The following DDX60 variants were observed in gnomAD, a reference collection of about 807,000 sequenced individuals.
DDX60 encodes the protein DExD/H-box helicase 60, also known as probable ATP-dependent RNA helicase DDX60.
DDX60 carries 165 observed loss-of-function variants against 212.8 expected under a neutral mutation model. The ratio of observed to expected loss-of-function variants is 0.78; its 90% CI spans 0.68 to 0.88. The LOEUF (loss-of-function observed/expected upper bound fraction) is 0.88, where lower values mean the gene tolerates loss of function less well. Among genes scored for constraint, DDX60 ranks in the 40% least tolerant of loss-of-function variants. The pLI, the probability that DDX60 is intolerant of heterozygous loss-of-function variation, is 0.00. For synonymous variants in DDX60, 703 were observed against 685.3 expected (o/e 1.03, Z -0.40); for missense variants, 1,905 against 2,003.9 (o/e 0.95, Z 0.94).
chr4:168,282,621 T>C (rs772305237), intron 13 of DDX60, among the ~76,000 whole-genome samples: 11 of 152,148 alleles, frequency 7.2e-5, no homozygotes, highest in East Asian at 1.9e-4. Flanking sequence ...AGAAACTTTT[T>C]TGTGAAAATT....
At chr4:168,226,489 A>G (rs1329772692) in intron 33 of DDX60, among the ~76,000 whole-genome samples, 4 of 152,032 alleles carry the variant, frequency 2.6e-5, no homozygotes, top group Admixed American at 2.6e-4. Context: ...AGCCCCCACC[A>G]GACACCTTGA....
At chr4:168,237,181 T>C in intron 32 of DDX60, 105 bp downstream of exon 32, 2 of 740,920 alleles carry the variant, frequency 2.7e-6, no homozygotes, top group East Asian at 3.4e-5. Context: ...TACATATTAA[T>C]TGTATTTTCT....
At chr4:168,239,375 A>AT (rs1733755324) in intron 30 of DDX60, among the ~76,000 whole-genome samples, 1 of 148,770 alleles carries the variant, frequency 6.7e-6, no homozygotes, top group Non-Finnish European at 1.5e-5. Context: ...TGATAGAAGG[A>AT]AGATAGATAG....
chr4:168,250,855 GA>G (rs142107414), intron 28 of DDX60, 98 bp downstream of exon 28: 69,013 of 1,087,770 alleles, frequency 0.063, 3,008 homozygotes, highest in East Asian at 0.18. Flanking sequence ...AATTACATGA[GA>G]AAAAAAGAAA....
intron 35 of DDX60, among the ~76,000 whole-genome samples, chr4:168,222,850 C>A (rs908291414): frequency 6.6e-6 from 1 of 151,980 alleles, no homozygotes; most frequent in African/African-American, 2.4e-5. Context: ...ATAGCAAAGA[C>A]AAGAAACAAA....
chr4:168,226,430 C>T (rs950647009), intron 33 of DDX60, among the ~76,000 whole-genome samples: 2 of 152,144 alleles, frequency 1.3e-5, no homozygotes, highest in Middle Eastern at 3.4e-3. Context: ...TTGCCCCTTC[C>T]ACCATGTGAG....
chr4:168,237,307 G>A lies in DDX60; in HGVS notation c.4390C>T (p.Leu1464Phe). The A allele has an allele frequency of 2.5e-6, 4 of 1,572,558 alleles. No individual in the cohort carries two copies. The highest frequency in any genetic ancestry group is 1.7e-6 in the Non-Finnish European group (2 of 1,159,998). Residue 1464 changes from leucine (L) to phenylalanine (F), a missense_variant, in exon 32 of 38, where the codon CTC (leucine) becomes TTC (phenylalanine). Leu to Phe is a conservative substitution (Grantham distance 22). Transcript: ENST00000393743. Reference sequence around the variant, plus strand: ...TTACCTTTCCTGGTTGGCTGACAGAGATCATGGAAGAGTCCATTTACAAGA... The same window carrying A: ...TTACCTTTCCTGGTTGGCTGACAGAAATCATGGAAGAGTCCATTTACAAGA... ...SFLVNGLFHD[L>F]CQPTRKGSKH...
chr4:168,248,285 G>T lies in DDX60; in HGVS notation c.3866C>A (p.Thr1289Lys), dbSNP rs753332484. 3 of 1,597,026 alleles carry T rather than the reference G, an allele frequency of 1.9e-6. No individual in the cohort carries two copies. The African/African-American group carries it at 4.1e-5, about 22-fold the overall frequency. ...LFRKGYLRVV[T>K]ATGTLALGVN... ...ACCTAAAGCAAGTGTTCCAGTAGCT[G>T]TCACCACCTTGAAAGAGAATAAAAC... Residue 1289 changes from threonine to lysine, a missense_variant, in exon 29 of 38, where the codon ACA becomes AAA. Physicochemically the swap from Thr to Lys is moderately conservative, Grantham distance 78. Coordinates refer to ENST00000393743, the MANE Select transcript of DDX60 (RefSeq NM_017631.6).
chr4:168,295,883 A>G (rs1185313346), intron 6 of DDX60, among the ~76,000 whole-genome samples: 2 of 152,192 alleles, frequency 1.3e-5, no homozygotes, highest in African/African-American at 4.8e-5. Context: ...GGAGGATATT[A>G]TGCTAGGTGA....
chr4:168,272,209 T>C, intron 18 of DDX60, 71 bp from the exon 19 acceptor site: 1 of 1,249,604 alleles, frequency 8.0e-7, no homozygotes, highest in South Asian at 1.3e-5. Context: ...TACAGGAATA[T>C]GTAAGATAGA....
At chr4:168,309,406 T>C (rs1032151768) in intron 3 of DDX60, among the ~76,000 whole-genome samples, 1 of 152,100 alleles carries the variant, frequency 6.6e-6, no homozygotes, top group Non-Finnish European at 1.5e-5. Context: ...TCCAGATAAA[T>C]AAACCTAACG....
At position 168,273,955 on chromosome 4, in the gene DDX60, G is replaced by A. The variant is rs138638907; in HGVS notation, c.2433C>T (p.Val811=). ...KVLKESDDGV[V]VYVAPTKALV... ...CTACCTTTGTGGGTGCAACGTACAC[G>A]ACCACCCCGTCGTCGCTCTCCTTCA... The change falls in exon 17 of 38, where the codon GTC becomes GTT. Residue 811 remains valine, a synonymous_variant. Transcript: ENST00000393743. The A allele has an allele frequency of 3.3e-5, 54 of 1,613,876 alleles. No individual in the cohort carries two copies. Among genetic ancestry groups the A allele is most frequent in the South Asian group, 7.7e-5 (7 of 91,056 alleles).
intron 14 of DDX60, among the ~76,000 whole-genome samples, chr4:168,277,759 A>C (rs1416405096): frequency 6.7e-6 from 1 of 148,154 alleles, no homozygotes; most frequent in Non-Finnish European, 1.5e-5. Flanking sequence ...CAGTGAGCCG[A>C]GATAGTGCCA....
rs149706592 is a variant in DDX60, at chr4:168,224,662, T to G, written c.4682-277A>C. Among the ~76,000 whole-genome samples, 1,298 of 152,198 alleles carry G rather than the reference T, an allele frequency of 8.5e-3. 12 individuals are homozygous for G. Among genetic ancestry groups the G allele is most frequent in the African/African-American group, 0.026 (1,089 of 41,558 alleles). ...TAAGAAATGAAAGACTAAATTTAAATTATATACTCTTATCAGAGAATTATT... is the reference window on the plus strand; with the variant it reads ...TAAGAAATGAAAGACTAAATTTAAAGTATATACTCTTATCAGAGAATTATT... On this transcript the variant is annotated intron_variant, in intron 34 of 37. Coordinates refer to ENST00000393743, the MANE Select transcript of DDX60 (RefSeq NM_017631.6).
At chr4:168,231,553 GT>G (rs1296518484) in intron 33 of DDX60, among the ~76,000 whole-genome samples, 1 of 152,000 alleles carries the variant, frequency 6.6e-6, no homozygotes, top group Non-Finnish European at 1.5e-5. Context: ...TGCTGGGATG[GT>G]TTATCATATG....
At chr4:168,283,058 G>A (rs960820660) in intron 13 of DDX60, among the ~76,000 whole-genome samples, 3 of 152,018 alleles carry the variant, frequency 2.0e-5, no homozygotes, top group African/African-American at 7.2e-5. Flanking sequence ...TTGGAAAAGT[G>A]TAAACACTCT....
chr4:168,237,747 C>T lies in DDX60; in HGVS notation c.4213G>A (p.Val1405Ile). ...HSLLSFKQPRVMDMLKLYFLF... is the reference protein window; with the variant it reads ...HSLLSFKQPRIMDMLKLYFLF... ...AAGTAAAGTTTTAACATGTCCATGA[C>T]TCTGGGTTGCTTGAAGGACAGCAAT... Residue 1405 changes from valine (V) to isoleucine (I), a missense_variant, in exon 31 of 38, where the codon GTC becomes ATC. Physicochemically the swap from Val to Ile is conservative, Grantham distance 29. Transcript: ENST00000393743. The T allele has an allele frequency of 1.2e-6, 2 of 1,611,968 alleles. No individual in the cohort carries two copies. Among genetic ancestry groups the T allele is most frequent in the Non-Finnish European group, 1.7e-6 (2 of 1,178,920 alleles).
Position 168,220,712 on chromosome 4 carries a change from T to C in DDX60, c.4982A>G (p.Asn1661Ser). The C allele has an allele frequency of 7.0e-7, 1 of 1,424,770 alleles. No homozygotes were observed. The highest frequency in any genetic ancestry group is 9.2e-7 in the Non-Finnish European group (1 of 1,082,028). The allele number at this position is 1,424,770 out of a possible 1,614,324, so 88.3% of individuals were successfully genotyped here. A position where few individuals can be genotyped will look rare whatever the true frequency, so the allele number is the denominator to read the frequency against. Residue 1661 changes from asparagine (N) to serine (S), a missense_variant, in exon 37 of 38, where the codon AAT becomes AGT. By Grantham distance (46) the Asn-to-Ser change is conservative. Transcript: ENST00000393743. ...LIGLVQDNRM[N>S]EGDAYYLLKD... ...CAACAAATAATAAGCATCTCCTTCA[T>C]TCATCCTAAAGAAAACAACATTTTG...
chr4:168,244,234 T>C (rs987075285), intron 30 of DDX60, among the ~76,000 whole-genome samples: 1 of 152,126 alleles, frequency 6.6e-6, no homozygotes, highest in Non-Finnish European at 1.5e-5. Context: ...ATCCTGCACA[T>C]GTGCCTCAGA....
Sources: gnomAD v4.1 joint callset for allele counts (sites outside exome capture counted in the v4.1 genomes callset) on GRCh38, gnomAD v4.1.1 for gene constraint, MANE v1.5 for transcripts, NCBI Gene and HGNC (gene_info 2026-07-23, HGNC 2026-07-21) for gene names.